The following LVRN variants were observed in gnomAD, a reference collection of about 807,000 sequenced individuals.
LVRN encodes the protein laeverin.
Under a neutral mutation model 111.4 loss-of-function variants are expected in LVRN, and 99 were observed. That is an observed-to-expected ratio of 0.89 (90% confidence interval 0.76 to 1.05). The LOEUF (loss-of-function observed/expected upper bound fraction) is 1.05, where lower values mean the gene tolerates loss of function less well. Among genes scored for constraint, LVRN ranks in the 50% least tolerant of loss-of-function variants. The pLI, the probability that LVRN is intolerant of heterozygous loss-of-function variation, is 0.00. For synonymous variants in LVRN, 488 were observed against 449.5 expected (o/e 1.09, Z -1.08); for missense variants, 1,414 against 1,206.8 (o/e 1.17, Z -2.54).
intron 18 of LVRN, among the ~76,000 whole-genome samples, chr5:116,019,611 A>G (rs1748671562): frequency 6.6e-6 from 1 of 152,118 alleles, no homozygotes; most frequent in Non-Finnish European, 1.5e-5. Context: ...ATTCCAGAAG[A>G]TTTCATTTTA....
At chr5:115,982,681 C>T (rs1235084207) in intron 1 of LVRN, among the ~76,000 whole-genome samples, 1 of 152,054 alleles carries the variant, frequency 6.6e-6, no homozygotes, top group Non-Finnish European at 1.5e-5. Flanking sequence ...GGGATAATGT[C>T]ACTCTTTGTA....
intron 1 of LVRN, chr5:115,975,280 A>G: frequency 5.1e-6 from 2 of 392,024 alleles, no homozygotes; most frequent in Non-Finnish European, 9.8e-6. Context: ...CAAGTAGGTT[A>G]CACTTCTCAG....
intron 4 of LVRN, among the ~76,000 whole-genome samples, chr5:115,990,941 CAG>C (rs768468500): frequency 6.6e-6 from 1 of 152,144 alleles, no homozygotes; most frequent in Non-Finnish European, 1.5e-5. Flanking sequence ...GCAAAAAATA[CAG>C]AGAGTTCCCA....
chr5:115,983,465 T>C, intron 2 of LVRN, 36 bp downstream of exon 2: 1 of 1,558,826 alleles, frequency 6.4e-7, no homozygotes. Context: ...TAGCTGTCTA[T>C]CTATATAAGC....
intron 4 of LVRN, among the ~76,000 whole-genome samples, chr5:115,990,896 T>C (rs190912771): frequency 6.6e-6 from 1 of 152,296 alleles, no homozygotes; most frequent in East Asian, 1.9e-4. Flanking sequence ...AAATAGACTA[T>C]TTTTAGAGCA....
intron 19 of LVRN, among the ~76,000 whole-genome samples, chr5:116,023,158 T>A (rs1207972881): frequency 6.6e-6 from 1 of 152,194 alleles, no homozygotes; most frequent in Non-Finnish European, 1.5e-5. Flanking sequence ...TCCTCGCCTA[T>A]GCTTTCAGGT....
At chr5:116,001,494 T>C (rs1021751187) in intron 10 of LVRN, among the ~76,000 whole-genome samples, 1 of 152,210 alleles carries the variant, frequency 6.6e-6, no homozygotes, top group African/African-American at 2.4e-5. Flanking sequence ...CTATTGTGTG[T>C]TCCTCTTCAT....
chr5:115,987,596 T>C lies in LVRN; in HGVS notation c.979-217T>C, dbSNP rs78907037. Among the ~76,000 whole-genome samples, 54 of 152,294 alleles carry C rather than the reference T, an allele frequency of 3.5e-4. 1 individual carries two copies. The highest frequency in any genetic ancestry group is 6.0e-4 in the Non-Finnish European group (41 of 68,026). ...AGATTGTACATGCTATTGTCAAAGA[T>C]TGAAATAACACACTTTCGGGGGAAT... is the stretch of plus-strand genomic sequence containing the variant. On this transcript the variant is annotated intron_variant, in intron 3 of 19. Transcript: ENST00000357872.
At chr5:115,989,683 G>T (rs1747941912) in intron 4 of LVRN, among the ~76,000 whole-genome samples, 1 of 152,080 alleles carries the variant, frequency 6.6e-6, no homozygotes. Context: ...CGTAAATTCT[G>T]ACCAGATTAT....
rs370956002 is a variant in LVRN, at chr5:115,987,829, G to A, written c.995G>A (p.Arg332Gln). The change falls in exon 4 of 20, where the codon CGG (arginine) becomes CAG (glutamine). Residue 332 changes from arginine to glutamine, a missense_variant. By Grantham distance (43) the Arg-to-Gln change is conservative. Transcript: ENST00000357872. ...TTGATTTAGATACGCATCTGGGCCC[G>A]GAAAGATGCAATTGCAAATGGAAGT... ...ERGKEIRIWARKDAIANGSAD... is the reference protein window; with the variant it reads ...ERGKEIRIWAQKDAIANGSAD... 32 of 1,612,212 alleles carry A rather than the reference G, an allele frequency of 2.0e-5. 1 individual carries two copies. The highest frequency in any genetic ancestry group is 1.3e-4 in the East Asian group (6 of 44,728).
chr5:115,977,528 C>G, intron 1 of LVRN, among the ~76,000 whole-genome samples: 1 of 152,126 alleles, frequency 6.6e-6, no homozygotes, highest in Non-Finnish European at 1.5e-5. Context: ...TGGTGGCAAA[C>G]AGAAGTCTCA....
intron 18 of LVRN, among the ~76,000 whole-genome samples, chr5:116,019,645 G>T (rs1748672267): frequency 6.6e-6 from 1 of 152,116 alleles, no homozygotes; most frequent in African/African-American, 2.4e-5. Context: ...TTTTTAATGT[G>T]TAGAGTTTTT....
chr5:115,982,455 C>G (rs988025557), intron 1 of LVRN, among the ~76,000 whole-genome samples: 4 of 152,154 alleles, frequency 2.6e-5, no homozygotes, highest in Non-Finnish European at 4.4e-5. Context: ...CAGTTGTCAT[C>G]TAAAGACGGG....
rs773912397 is a variant in LVRN, at chr5:116,005,918, C to G, written c.2044C>G (p.Pro682Ala). The part of the protein sequence containing the change: ...QQLEKDPKAI[P>A]VIHRLQLIDD... ...TTTGGGTCTAATTCTGCAGGCGATT[C>G]CTGTTATTCACAGACTGCAGTTGAT... Residue 682 changes from proline (P) to alanine (A), a missense_variant, in exon 13 of 20, where the codon CCT (proline) becomes GCT (alanine). Transcript: ENST00000357872. 1 of 1,596,982 alleles carries G rather than the reference C, an allele frequency of 6.3e-7. No individual in the cohort carries two copies. Among genetic ancestry groups the G allele is most frequent in the African/African-American group, 1.3e-5 (1 of 74,558 alleles).
chr5:115,983,523 G>T, intron 2 of LVRN, 94 bp downstream of exon 2: 2 of 1,359,808 alleles, frequency 1.5e-6, no homozygotes, highest in Admixed American at 2.8e-5. Context: ...GTGTATTATG[G>T]TGTATTATAA....
chr5:115,989,912 C>T (rs1293206723), intron 4 of LVRN, among the ~76,000 whole-genome samples: 1 of 152,032 alleles, frequency 6.6e-6, no homozygotes, highest in Non-Finnish European at 1.5e-5. Context: ...TCACAAACAA[C>T]AAAACAAAAC....
chr5:116,027,082 C>T lies in LVRN; in HGVS notation c.*964C>T, dbSNP rs1450473459. ...ATAGTGTCTTTTGGCCAAATTGAAC[C>T]TACTTGTAATGTGGACCAACTTACT... On this transcript the variant is annotated 3_prime_UTR_variant, in exon 20 of 20. Transcript: ENST00000357872. 1 of 152,176 alleles carries T rather than the reference C, an allele frequency of 6.6e-6. No individual in the cohort carries two copies. The highest frequency in any genetic ancestry group is 1.9e-4 in the East Asian group (1 of 5,194). 9.4% of individuals were successfully genotyped at this position (152,176 alleles called of 1,614,324 possible). A position where few individuals can be genotyped will look rare whatever the true frequency, so the allele number is the denominator to read the frequency against.
At chr5:115,990,719 G>A (rs1236383768) in intron 4 of LVRN, among the ~76,000 whole-genome samples, 5 of 151,792 alleles carry the variant, frequency 3.3e-5, no homozygotes, top group East Asian at 1.9e-4. Context: ...TTACAGGTGC[G>A]CACCACCATG....
At chr5:116,023,996 T>A (rs1561572250) in intron 19 of LVRN, among the ~76,000 whole-genome samples, 1 of 152,234 alleles carries the variant, frequency 6.6e-6, no homozygotes, top group African/African-American at 2.4e-5. Flanking sequence ...TGGATGAATA[T>A]CAAGGTGATT....
Sources: allele counts gnomAD v4.1 joint callset (sites outside exome capture counted in the v4.1 genomes callset), GRCh38; gene constraint gnomAD v4.1.1; transcripts MANE v1.5; gene names NCBI Gene and HGNC (gene_info 2026-07-23, HGNC 2026-07-21).